Variants in HAUS7 observed in about 807,000 individuals in gnomAD.
The protein encoded by HAUS7 is HAUS augmin like complex subunit 7.
A neutral mutation model predicts 28.4 loss-of-function variants in HAUS7; 3 were observed. The ratio of observed to expected loss-of-function variants is 0.11; its 90% CI spans 0.05 to 0.27. HAUS7 has a LOEUF of 0.27. Ranked by LOEUF, HAUS7 falls within the 10% of genes least tolerant of loss-of-function variation. The pLI, the probability that HAUS7 is intolerant of heterozygous loss-of-function variation, is 1.00. For missense variants in HAUS7, 284 were observed against 297.3 expected (o/e 0.96, Z 0.33); for synonymous variants, 165 against 132.1 (o/e 1.25, Z -1.71).
intron 1 of HAUS7, among the ~76,000 whole-genome samples, chrX:153,469,835 C>G: frequency 9.0e-6 from 1 of 110,564 alleles, no homozygotes; most frequent in Non-Finnish European, 1.9e-5. Flanking sequence ...TCCTAGGTTT[C>G]GGGACTGAGG....
chrX:153,461,927 A>G, intron 4 of HAUS7: 4 of 388,845 alleles, frequency 1.0e-5, no homozygotes, highest in Non-Finnish European at 1.8e-5. Flanking sequence ...TCAACCAGCC[A>G]GTGTACATCT....
intron 2 of HAUS7, among the ~76,000 whole-genome samples, chrX:153,465,879 G>A (rs1292345139): frequency 1.8e-5 from 2 of 112,306 alleles, no homozygotes; most frequent in African/African-American, 3.2e-5. Flanking sequence ...CACTCCGGCC[G>A]CTGGGGCCAC....
At chrX:153,474,928 G>A (rs2089552914), upstream of HAUS7, among the ~76,000 whole-genome samples, 1 of 111,743 alleles carries the variant, frequency 8.9e-6, no homozygotes, top group African/African-American at 3.2e-5. Context: ...AAGGCCGGCG[G>A]GGCTGAGTCA....
At position 153,456,353 on chromosome X, in the gene HAUS7, G is replaced by C. The variant is rs62642549; in HGVS notation, c.617C>G (p.Ser206Cys). ...CTTCTCCTCCTCCTCGGACTTGGCA[G>C]AGGCACTGGCCCTGCAGGGAGAGAA... ...QSDDWQWASASAKSEEEEKLA... is the reference protein window; with the variant it reads ...QSDDWQWASACAKSEEEEKLA... Residue 206 changes from serine to cysteine, a missense_variant, in exon 7 of 10, where the codon TCT becomes TGT. Transcript: ENST00000370211. 1.1e-3 allele frequency: 1,318 copies of C among 1,207,796 alleles called. 5 individuals carry two copies. The African/African-American group carries it at 0.019, about 18-fold the overall frequency.
intron 1 of HAUS7, among the ~76,000 whole-genome samples, chrX:153,485,309 G>A (rs928717133): frequency 3.6e-5 from 4 of 111,935 alleles, no homozygotes; most frequent in African/African-American, 9.7e-5. Flanking sequence ...ACAGAGGAGA[G>A]GGCTTCGAGG....
At chrX:153,462,752 C>A in intron 3 of HAUS7, 81 bp from the exon 4 acceptor site, 1 of 773,770 alleles carries the variant, frequency 1.3e-6, no homozygotes, top group Non-Finnish European at 2.0e-6. Context: ...AGCCCAGCAC[C>A]CACAGACTAG....
At chrX:153,492,174 C>A (rs1556989759) in intron 1 of HAUS7, among the ~76,000 whole-genome samples, 1 of 113,556 alleles carries the variant, frequency 8.8e-6, no homozygotes. Context: ...TGCCTCCTCC[C>A]AGCCCTGAGA....
At chrX:153,480,529 C>T (rs1347930799) in intron 1 of HAUS7, 21 of 729,655 alleles carry the variant, frequency 2.9e-5, no homozygotes, top group Non-Finnish European at 3.4e-5. Flanking sequence ...AGCTGACAGC[C>T]CCTTGGGGAA....
At chrX:153,462,236 G>T (rs368976699) in intron 4 of HAUS7, 5 of 733,553 alleles carry the variant, frequency 6.8e-6, no homozygotes, top group Non-Finnish European at 8.0e-6. Context: ...GAGGGACCTC[G>T]GGAGAAACTC....
At position 153,482,346 on chromosome X, in the gene HAUS7, G is replaced by A. The variant is rs1160517696; in HGVS notation, c.-588-11201C>T. 12 of 755,456 alleles carry A rather than the reference G, an allele frequency of 1.6e-5. No homozygotes were observed. The South Asian group carries it at 2.0e-4, about 13-fold the overall frequency. The allele number at this position is 755,456 out of a possible 1,213,427, so 62.3% of individuals were successfully genotyped here. On this transcript the variant is annotated intron_variant, in intron 1 of 5. Coordinates refer to the HAUS7 transcript ENST00000370210. ...TCCCAGAATCTGATGCGGCTGAAGCGGCTGAACCTGGTTGGGAACTCGCTG... is the reference window on the plus strand; with the variant it reads ...TCCCAGAATCTGATGCGGCTGAAGCAGCTGAACCTGGTTGGGAACTCGCTG...
intron 1 of HAUS7, among the ~76,000 whole-genome samples, chrX:153,484,116 G>A (rs1296278609): frequency 2.7e-5 from 3 of 111,966 alleles, no homozygotes; most frequent in African/African-American, 9.7e-5. Flanking sequence ...CCAGCTTCAG[G>A]GGGCTCCAGG....
At chrX:153,472,434 CACCACCCACCACCT>C (rs1423789038), upstream of HAUS7, among the ~76,000 whole-genome samples, 23 of 88,663 alleles carry the variant, frequency 2.6e-4, no homozygotes, top group South Asian at 6.2e-4. Context: ...ACCCACCACC[CACCACCCACCACCT>C]GCCACCCACC....
upstream of HAUS7, among the ~76,000 whole-genome samples, chrX:153,473,944 C>T (rs2089545580): frequency 8.9e-6 from 1 of 112,402 alleles, no homozygotes; most frequent in Non-Finnish European, 1.9e-5. Flanking sequence ...GCGGGCAGCC[C>T]ACGCCATCTG....
In HAUS7 at chrX:153,455,785, AGT is replaced by A. The variant is rs782674950; in HGVS notation, c.706-21_706-20del. ...CAAAGTACTGCAAAGCCAGAGGCAG[AGT>A]CCCTTGAGGCTGCCCTGCCCACCAG... is the stretch of plus-strand genomic sequence containing the variant. On this transcript the variant is annotated intron_variant, in intron 7 of 9. Coordinates refer to ENST00000370211, the MANE Select transcript of HAUS7 (RefSeq NM_001385482.1). 1.9e-6 allele frequency: 2 copies of A among 1,043,860 alleles called. No individual in the cohort carries two copies. Among genetic ancestry groups the A allele is most frequent in the Admixed American group, 4.4e-5 (2 of 45,673 alleles). 86.0% of individuals were successfully genotyped at this position (1,043,860 alleles called of 1,213,427 possible).
intron 2 of HAUS7, among the ~76,000 whole-genome samples, chrX:153,468,204 G>A (rs1379055137): frequency 1.8e-5 from 2 of 112,215 alleles, no homozygotes; most frequent in African/African-American, 6.5e-5. Flanking sequence ...TGGTCCTGGC[G>A]GGCCAGACCG....
Position 153,459,933 on chromosome X carries a change from T to A in HAUS7, c.354+2677A>T, listed in dbSNP as rs373752657. On this transcript the variant is annotated intron_variant, in intron 4 of 9. Transcript: ENST00000370211. ...CAGAGGGCTGAGGTGGGAGGATCGCTTGAAGCCCGGGGGCTCATGCTGATA... is the reference window on the plus strand; with the variant it reads ...CAGAGGGCTGAGGTGGGAGGATCGCATGAAGCCCGGGGGCTCATGCTGATA... Among the ~76,000 whole-genome samples, 18 of 112,009 alleles carry A rather than the reference T, an allele frequency of 1.6e-4. No individual in the cohort carries two copies. In the East Asian group the frequency reaches 4.8e-3, roughly 30 times the overall value.
At chrX:153,463,841 C>T (rs2089423826) in intron 3 of HAUS7, among the ~76,000 whole-genome samples, 1 of 112,944 alleles carries the variant, frequency 8.9e-6, no homozygotes, top group Non-Finnish European at 1.9e-5. Context: ...GTCAAGACAG[C>T]ACCACCCTTT....
chrX:153,451,990 TCA>T (rs1460744918), intron 9 of HAUS7, among the ~76,000 whole-genome samples: 1 of 112,038 alleles, frequency 8.9e-6, no homozygotes, highest in Non-Finnish European at 1.9e-5. Flanking sequence ...TGGAATAAAT[TCA>T]CAGTGATTCA....
chrX:153,480,099 G>C (rs1360485610), intron 1 of HAUS7, among the ~76,000 whole-genome samples: 1 of 112,027 alleles, frequency 8.9e-6, no homozygotes, highest in Non-Finnish European at 1.9e-5. Flanking sequence ...CACGTGTGAA[G>C]TCCTTGCTCA....
Sources: allele counts gnomAD v4.1 joint callset (sites outside exome capture counted in the v4.1 genomes callset), GRCh38; gene constraint gnomAD v4.1.1; transcripts MANE v1.5; gene names NCBI Gene and HGNC (gene_info 2026-07-23, HGNC 2026-07-21).